NAALADL2: variants seen among roughly 807,000 people sequenced by gnomAD.
NAALADL2 encodes inactive N-acetylated-alpha-linked acidic dipeptidase-like protein 2.
In NAALADL2, 76 loss-of-function variants were observed where a neutral mutation model predicts 87.2. The observed-to-expected ratio is 0.87, with a 90% CI of 0.72 to 1.05. The LOEUF (loss-of-function observed/expected upper bound fraction) is 1.05, where lower values mean the gene tolerates loss of function less well. Among genes scored for constraint, NAALADL2 ranks in the 50% least tolerant of loss-of-function variants. The probability of loss-of-function intolerance (pLI) is 0.00; values close to 1 mark genes in which losing one functional copy is unlikely to be tolerated. For synonymous variants in NAALADL2, 354 were observed against 331.0 expected (o/e 1.07, Z -0.75); for missense variants, 1,089 against 945.8 (o/e 1.15, Z -1.99).
chr3:175,682,531 G>A (rs944675174), intron 11 of NAALADL2, among the ~76,000 whole-genome samples: 6 of 151,940 alleles, frequency 3.9e-5, no homozygotes, highest in African/African-American at 1.4e-4. Context: ...AAAACAGATT[G>A]AGGAACTCTA....
At chr3:175,097,351 G>C (rs899392451) in intron 2 of NAALADL2, 60 bp downstream of exon 2, 23 of 1,483,430 alleles carry the variant, frequency 1.6e-5, no homozygotes, top group Middle Eastern at 1.8e-4. Flanking sequence ...TGTCTCACAG[G>C]GGGTATTGAA....
At chr3:174,934,256 T>C (rs934674714) in intron 1 of NAALADL2, among the ~76,000 whole-genome samples, 1 of 152,182 alleles carries the variant, frequency 6.6e-6, no homozygotes, top group Non-Finnish European at 1.5e-5. Flanking sequence ...GGAATTTGTT[T>C]TTTAAAAATA....
intron 1 of NAALADL2, among the ~76,000 whole-genome samples, chr3:174,945,849 C>T (rs1364834487): frequency 6.6e-6 from 1 of 152,052 alleles, no homozygotes; most frequent in Admixed American, 6.5e-5. Context: ...AGATCAAGAC[C>T]ATCCTGGCTA....
intron 2 of NAALADL2, among the ~76,000 whole-genome samples, chr3:175,220,139 TGTAA>T (rs35716166): frequency 0.17 from 25,751 of 151,250 alleles, 2,515 homozygotes; most frequent in Admixed American, 0.26. Flanking sequence ...ATATTTTATT[TGTAA>T]GTGTTACAAG....
intron 1 of NAALADL2, among the ~76,000 whole-genome samples, chr3:174,530,741 A>G (rs927367373): frequency 3.3e-5 from 5 of 152,184 alleles, no homozygotes; most frequent in African/African-American, 9.7e-5. Context: ...ATGGGTGAAT[A>G]CTTACCCCCC....
At chr3:175,267,296 G>T (rs1752093557) in intron 4 of NAALADL2, among the ~76,000 whole-genome samples, 1 of 152,006 alleles carries the variant, frequency 6.6e-6, no homozygotes, top group Non-Finnish European at 1.5e-5. Flanking sequence ...TAAATTGTGT[G>T]CTCTAATTGA....
intron 3 of NAALADL2, among the ~76,000 whole-genome samples, chr3:174,817,616 T>A (rs1720945806): frequency 6.6e-6 from 1 of 152,062 alleles, no homozygotes; most frequent in Admixed American, 6.6e-5. Context: ...AAATAAATAA[T>A]TTTTAAAAAA....
intron 2 of NAALADL2, among the ~76,000 whole-genome samples, chr3:174,660,798 G>T (rs76532450): frequency 6.6e-6 from 1 of 152,000 alleles, no homozygotes; most frequent in Non-Finnish European, 1.5e-5. Flanking sequence ...CTTCATTTTT[G>T]GAGGAAGGGC....
At chr3:175,708,554 A>G (rs190099788) in intron 11 of NAALADL2, among the ~76,000 whole-genome samples, 144 of 152,124 alleles carry the variant, frequency 9.5e-4, no homozygotes, top group Non-Finnish European at 1.7e-3. Flanking sequence ...AGTATGATGG[A>G]CAAAGTAGAG....
intron 11 of NAALADL2, among the ~76,000 whole-genome samples, chr3:175,653,888 G>A (rs1175644322): frequency 6.6e-6 from 1 of 152,210 alleles, no homozygotes; most frequent in African/African-American, 2.4e-5. Flanking sequence ...CAACTTTGGT[G>A]TTGAACTCAT....
At position 174,487,482 on chromosome 3, in the gene NAALADL2, A is replaced by T. The variant is rs564811275; in HGVS notation, c.-184+46450A>T. Reference sequence around the variant, plus strand: ...AAGAGGAGATTAGTTGAGTCCACAAACCTAGAATACTTTGATGTCACGTGA... The same window carrying T: ...AAGAGGAGATTAGTTGAGTCCACAATCCTAGAATACTTTGATGTCACGTGA... On this transcript the variant is annotated intron_variant, in intron 1 of 3. Coordinates refer to the NAALADL2 transcript ENST00000434257. 3.3e-5 allele frequency among the ~76,000 whole-genome samples: 5 copies of T among 152,106 alleles called. No individual in the cohort carries two copies. In the East Asian group the frequency reaches 9.7e-4, roughly 29 times the overall value.
intron 11 of NAALADL2, among the ~76,000 whole-genome samples, chr3:175,709,926 C>G (rs973908099): frequency 3.9e-5 from 6 of 151,974 alleles, no homozygotes; most frequent in African/African-American, 1.4e-4. Flanking sequence ...GAGTACAGGT[C>G]TAAGTGTGAT....
intron 5 of NAALADL2, among the ~76,000 whole-genome samples, chr3:175,381,540 T>C (rs550403176): frequency 1.3e-5 from 2 of 152,266 alleles, no homozygotes; most frequent in African/African-American, 4.8e-5. Flanking sequence ...ATTTAATATG[T>C]TTTAAGTGCT....
In NAALADL2 at chr3:175,546,525, G is replaced by C. The variant is rs1036250467; in HGVS notation, c.1654-29516G>C. Among the ~76,000 whole-genome samples, 16 of 152,166 alleles carry C rather than the reference G, an allele frequency of 1.1e-4. 1 individual carries two copies. The highest frequency in any genetic ancestry group is 7.9e-4 in the Admixed American group (12 of 15,268). Reference sequence around the variant, plus strand: ...TGTGTTTTTGTAGTTTATGGTAACGGTATTTACTTTCCATTTTTAGTGCTT... The same window carrying C: ...TGTGTTTTTGTAGTTTATGGTAACGCTATTTACTTTCCATTTTTAGTGCTT... On this transcript the variant is annotated intron_variant, in intron 9 of 13. Coordinates refer to ENST00000454872, the MANE Select transcript of NAALADL2 (RefSeq NM_207015.3).
chr3:175,368,901 G>T (rs1260088684), intron 5 of NAALADL2, among the ~76,000 whole-genome samples: 1 of 152,016 alleles, frequency 6.6e-6, no homozygotes, highest in African/African-American at 2.4e-5. Context: ...TGATATAAAA[G>T]ATTAAAAAAA....
chr3:175,643,873 A>C (rs926316137), intron 11 of NAALADL2, among the ~76,000 whole-genome samples: 5 of 152,176 alleles, frequency 3.3e-5, no homozygotes, highest in Admixed American at 6.5e-5. Flanking sequence ...GCTGATAGAT[A>C]AGCTAAGTGG....
intron 11 of NAALADL2, among the ~76,000 whole-genome samples, chr3:175,662,978 G>T (rs954795310): frequency 7.3e-5 from 11 of 151,512 alleles, no homozygotes; most frequent in African/African-American, 2.4e-4. Context: ...TGTTTTGGTT[G>T]TATCTTTTTC....
At chr3:174,611,097 T>C (rs186346095) in intron 2 of NAALADL2, among the ~76,000 whole-genome samples, 38 of 145,122 alleles carry the variant, frequency 2.6e-4, no homozygotes, top group African/African-American at 9.0e-4. Flanking sequence ...TTGTCACTCA[T>C]AGGTGGGAAA....
At chr3:175,171,951 G>T (rs1393430933) in intron 2 of NAALADL2, among the ~76,000 whole-genome samples, 1 of 152,054 alleles carries the variant, frequency 6.6e-6, no homozygotes, top group African/African-American at 2.4e-5. Flanking sequence ...GTTGGTCAAA[G>T]GGTACAAACA....
Sources: gnomAD v4.1 joint callset for allele counts (sites outside exome capture counted in the v4.1 genomes callset) on GRCh38, gnomAD v4.1.1 for gene constraint, MANE v1.5 for transcripts, NCBI Gene and HGNC (gene_info 2026-07-23, HGNC 2026-07-21) for gene names.